Variants in AACS observed in about 807,000 individuals in gnomAD.
AACS encodes the protein acetoacetyl-CoA synthetase.
A neutral mutation model predicts 83.1 loss-of-function variants in AACS; 69 were observed. The observed-to-expected ratio is 0.83, with a 90% CI of 0.68 to 1.01. The LOEUF (loss-of-function observed/expected upper bound fraction) is 1.01. Among genes scored for constraint, AACS ranks in the 50% least tolerant of loss-of-function variants. AACS has a pLI of 0.00. For synonymous variants in AACS, 333 were observed against 343.4 expected, an observed-to-expected ratio of 0.97 and a Z score of 0.33; for missense variants, 866 against 882.2, an observed-to-expected ratio of 0.98 and a Z score of 0.23.
In AACS at chr12:125,142,126, TCAAA is replaced by T; in HGVS notation, c.1919_1922del (p.Lys640ArgfsTer73). 1 of 1,613,998 alleles carries T rather than the reference TCAAA, an allele frequency of 6.2e-7. No individual in the cohort carries two copies. Among genetic ancestry groups the T allele is most frequent in the African/African-American group, 1.3e-5 (1 of 74,952 alleles). On this transcript the variant is annotated frameshift_variant, in exon 18 of 18. Transcript: ENST00000316519. LOFTEE classifies it high-confidence loss of function. ...AACGGCAAGAAAGTGGAAGTTGCCG[TCAAA>T]CAGATCATCGCTGGAAAAGCCGTGG...
chr12:125,068,067 T>C (rs1047493766), intron 1 of AACS, among the ~76,000 whole-genome samples: 1 of 152,210 alleles, frequency 6.6e-6, no homozygotes, highest in Non-Finnish European at 1.5e-5. Flanking sequence ...CGAGCATGGC[T>C]GCGGAGCTCC....
chr12:125,065,503 C>A lies in AACS; in HGVS notation c.-82C>A. On this transcript the variant is annotated 5_prime_UTR_variant, in exon 1 of 18. Transcript: ENST00000316519. ...AGGCGCTCCTGACCGTCGCTTCCTCCGGTCCCAGGTCCCCGGCCCTCGCCT... is the reference window on the plus strand; with the variant it reads ...AGGCGCTCCTGACCGTCGCTTCCTCAGGTCCCAGGTCCCCGGCCCTCGCCT... 1.5e-6 allele frequency: 2 copies of A among 1,335,116 alleles called. No homozygotes were observed. Among genetic ancestry groups the A allele is most frequent in the Non-Finnish European group, 1.9e-6 (2 of 1,034,728 alleles). 82.7% of individuals were successfully genotyped at this position (1,335,116 alleles called of 1,614,324 possible). A position where few individuals can be genotyped will look rare whatever the true frequency, so the allele number is the denominator to read the frequency against.
chr12:125,132,980 G>A (rs866817619), intron 14 of AACS, among the ~76,000 whole-genome samples: 2 of 152,204 alleles, frequency 1.3e-5, no homozygotes, highest in African/African-American at 2.4e-5. Flanking sequence ...GCTGCCGCCC[G>A]TCAGTGAAGA....
intron 16 of AACS, 74 bp from the exon 17 acceptor site, chr12:125,136,588 C>T (rs1353262338): frequency 1.5e-6 from 2 of 1,318,806 alleles, no homozygotes; most frequent in Non-Finnish European, 2.1e-6. Context: ...TCCTGCTCTG[C>T]CAGGTTGCTG....
chr12:125,143,129 C>T lies in AACS; in HGVS notation c.*900C>T, dbSNP rs1158993488. The T allele has an allele frequency of 6.6e-6, 1 of 152,236 alleles. No homozygotes were observed. Among genetic ancestry groups the T allele is most frequent in the Non-Finnish European group, 1.5e-5 (1 of 68,044 alleles). 9.4% of individuals were successfully genotyped at this position (152,236 alleles called of 1,614,324 possible). ...CAAGTCACGGGTTTCCATAGCCAGG[C>T]AGTTGGTATGTACAATTCAGTTCAG... On this transcript the variant is annotated 3_prime_UTR_variant, in exon 18 of 18. Transcript: ENST00000316519.
At chr12:125,103,166 G>A (rs1956754630) in intron 7 of AACS, 85 bp downstream of exon 7, 1 of 1,152,812 alleles carries the variant, frequency 8.7e-7, no homozygotes, top group Non-Finnish European at 1.2e-6. Context: ...CTTCTACTTG[G>A]GGTCACTCAG....
chr12:125,073,374 A>G (rs993411407), intron 1 of AACS, among the ~76,000 whole-genome samples: 3 of 152,218 alleles, frequency 2.0e-5, no homozygotes, highest in Non-Finnish European at 4.4e-5. Context: ...GGGTTTTCCA[A>G]TGTATCGACT....
rs1262811920 is a variant in AACS, at chr12:125,103,171, A to G, written c.767+90A>G. 3.0e-5 allele frequency: 33 copies of G among 1,116,338 alleles called. No homozygotes were observed. The East Asian group carries it at 7.6e-4, about 26-fold the overall frequency. The allele number at this position is 1,116,338 out of a possible 1,614,324, so 69.2% of individuals were successfully genotyped here. A position where few individuals can be genotyped will look rare whatever the true frequency, so the allele number is the denominator to read the frequency against. On this transcript the variant is annotated intron_variant, in intron 7 of 17. Coordinates refer to ENST00000316519, the MANE Select transcript of AACS (RefSeq NM_023928.5). ...GCCTCTGGATCTTCTACTTGGGGTC[A>G]CTCAGAGAATTTTAGAAGTGGAGGA...
At chr12:125,079,687 C>T (rs1241112230) in intron 3 of AACS, among the ~76,000 whole-genome samples, 1 of 152,188 alleles carries the variant, frequency 6.6e-6, no homozygotes, top group East Asian at 1.9e-4. Context: ...CTGCGTCCAG[C>T]CAGCTCCTTT....
At chr12:125,068,103 T>TG (rs1456347033) in intron 1 of AACS, among the ~76,000 whole-genome samples, 1 of 152,292 alleles carries the variant, frequency 6.6e-6, no homozygotes, top group East Asian at 1.9e-4. Context: ...GCTCTCAGAC[T>TG]GGTGGCCCAT....
chr12:125,078,380 C>G (rs556883778), intron 3 of AACS: 1 of 453,456 alleles, frequency 2.2e-6, no homozygotes, highest in South Asian at 1.6e-5. Context: ...GGTCAGTGTT[C>G]CATTGCTGTT....
chr12:125,082,653 G>A (rs902085454), intron 3 of AACS, among the ~76,000 whole-genome samples: 2 of 151,992 alleles, frequency 1.3e-5, no homozygotes, highest in Non-Finnish European at 2.9e-5. Flanking sequence ...AAAGCCTGTC[G>A]CTACTAAAAA....
At position 125,124,923 on chromosome 12, in the gene AACS, T is replaced by C; in HGVS notation, c.1208T>C (p.Met403Thr). ...CCAGTGGAAACCCACAGTCTCCAGA[T>C]GCTCCACACGATCCTGTCCACTGGC... ...MKPVETHSLQ[M>T]LHTILSTGSP... is the part of the protein sequence containing the mutation. Residue 403 changes from methionine (M) to threonine (T), a missense_variant, in exon 12 of 18, where the codon ATG becomes ACG. Transcript: ENST00000316519. The C allele has an allele frequency of 1.2e-6, 2 of 1,614,250 alleles. No individual in the cohort carries two copies. The highest frequency in any genetic ancestry group is 1.7e-6 in the Non-Finnish European group (2 of 1,180,052).
At chr12:125,103,857 G>A (rs919082550) in intron 7 of AACS, among the ~76,000 whole-genome samples, 7 of 151,428 alleles carry the variant, frequency 4.6e-5, no homozygotes, top group African/African-American at 7.3e-5. Context: ...GTGTGGTGGC[G>A]GGCACCTGTA....
intron 3 of AACS, among the ~76,000 whole-genome samples, chr12:125,079,956 G>A (rs1342114498): frequency 6.6e-6 from 1 of 152,168 alleles, no homozygotes; most frequent in Non-Finnish European, 1.5e-5. Context: ...CATACGATAT[G>A]TGGCCTTTTG....
At chr12:125,069,544 T>A (rs1186698144) in intron 1 of AACS, among the ~76,000 whole-genome samples, 4 of 152,240 alleles carry the variant, frequency 2.6e-5, no homozygotes, top group Non-Finnish European at 5.9e-5. Flanking sequence ...GGTCCTCTGA[T>A]GCAGACTTCC....
intron 3 of AACS, among the ~76,000 whole-genome samples, chr12:125,084,880 C>T (rs537917934): frequency 6.6e-6 from 1 of 152,170 alleles, no homozygotes; most frequent in South Asian, 2.1e-4. Context: ...CCCTGCCTAG[C>T]CTTAGTTTTA....
chr12:125,131,714 T>C (rs1177227547), intron 14 of AACS, among the ~76,000 whole-genome samples: 1 of 152,190 alleles, frequency 6.6e-6, no homozygotes, highest in Admixed American at 6.5e-5. Context: ...TTCTCCTGCC[T>C]CAGCCTCCTG....
Position 125,136,777 on chromosome 12 carries a change from C to T in AACS, c.1794C>T (p.Asp598=), listed in dbSNP as rs1295444300. 2 of 1,614,162 alleles carry T rather than the reference C, an allele frequency of 1.2e-6. No homozygotes were observed. Among genetic ancestry groups the T allele is most frequent in the South Asian group, 2.2e-5 (2 of 91,090 alleles). ...KMASGHAFQP[D]LVKRIRDAIR... ...CCTCCGGGCACGCCTTCCAGCCTGA[C>T]TTGGTTAAGAGGATCCGTGACGCCA... The change falls in exon 17 of 18, where the codon GAC becomes GAT. Residue 598 remains aspartate (D), a synonymous_variant. Coordinates refer to ENST00000316519, the MANE Select transcript of AACS (RefSeq NM_023928.5).
Sources: gnomAD v4.1 joint callset for allele counts (sites outside exome capture counted in the v4.1 genomes callset) on GRCh38, gnomAD v4.1.1 for gene constraint, MANE v1.5 for transcripts, NCBI Gene and HGNC (gene_info 2026-07-23, HGNC 2026-07-21) for gene names.